The following GAS7 variants were observed in gnomAD, a reference collection of about 807,000 sequenced individuals.
GAS7 encodes the protein growth arrest specific 7.
A neutral mutation model predicts 71.1 loss-of-function variants in GAS7; 28 were observed. The observed-to-expected ratio is 0.39, with a 90% CI of 0.29 to 0.54. The LOEUF is 0.54. Ranked by LOEUF, GAS7 falls within the 20% of genes least tolerant of loss-of-function variation. GAS7 has a pLI of 0.62. For missense variants in GAS7, 436 were observed against 627.8 expected (o/e 0.69, Z 3.27); for synonymous variants, 258 against 245.8 (o/e 1.05, Z -0.46).
intron 1 of GAS7, among the ~76,000 whole-genome samples, chr17:10,079,649 A>G (rs2073435859): frequency 6.6e-6 from 1 of 152,202 alleles, no homozygotes; most frequent in African/African-American, 2.4e-5. Context: ...GGACCAAACC[A>G]ATGTATATCT....
chr17:10,103,031 G>A lies in GAS7; in HGVS notation c.184-83134C>T, dbSNP rs1379555924. Reference sequence around the variant, plus strand: ...CCAGCAGCATTCCTGTCGCCTAGAAGCTTGTTAGAAATGCAGAATCTGCAT... The same window carrying A: ...CCAGCAGCATTCCTGTCGCCTAGAAACTTGTTAGAAATGCAGAATCTGCAT... On this transcript the variant is annotated intron_variant, in intron 1 of 13. Coordinates refer to ENST00000432992, the MANE Select transcript of GAS7 (RefSeq NM_201433.2). The surrounding 1 kb of genome is among the most constrained non-coding windows in gnomAD (Gnocchi z 5.5). Among the ~76,000 whole-genome samples, 2 of 152,154 alleles carry A rather than the reference G, an allele frequency of 1.3e-5. No homozygotes were observed. The highest frequency in any genetic ancestry group is 2.9e-5 in the Non-Finnish European group (2 of 68,028).
intron 1 of GAS7, among the ~76,000 whole-genome samples, chr17:10,082,585 C>T (rs1393633544): frequency 6.6e-6 from 1 of 152,154 alleles, no homozygotes; most frequent in East Asian, 1.9e-4. Flanking sequence ...AATAGTTTTG[C>T]CATTTCTTAT....
At chr17:9,960,834 C>T (rs1172098510) in intron 4 of GAS7, among the ~76,000 whole-genome samples, 2 of 152,184 alleles carry the variant, frequency 1.3e-5, no homozygotes, top group Non-Finnish European at 2.9e-5. Flanking sequence ...AAAAATGAAC[C>T]TTACAGAGCA....
chr17:10,166,247 C>T (rs2074293182), intron 1 of GAS7, among the ~76,000 whole-genome samples: 1 of 152,134 alleles, frequency 6.6e-6, no homozygotes, highest in East Asian at 1.9e-4. Flanking sequence ...TGGTCTCGAA[C>T]TCCTGGCCTA....
intron 4 of GAS7, among the ~76,000 whole-genome samples, chr17:9,963,583 T>G (rs1201610085): frequency 6.6e-6 from 1 of 151,964 alleles, no homozygotes; most frequent in Non-Finnish European, 1.5e-5. Context: ...AAAAGGGATT[T>G]GGGGGCCAGG....
At chr17:9,987,456 C>T (rs768229366) in intron 2 of GAS7, among the ~76,000 whole-genome samples, 45 of 152,218 alleles carry the variant, frequency 3.0e-4, no homozygotes, top group Non-Finnish European at 5.3e-4. Context: ...TAATCTTCTC[C>T]TCAGCGAATG....
chr17:10,066,836 A>G (rs186666449), intron 1 of GAS7, among the ~76,000 whole-genome samples: 1 of 152,182 alleles, frequency 6.6e-6, no homozygotes, highest in East Asian at 1.9e-4. Flanking sequence ...CCAAGTCCTG[A>G]CAGTGTAGTG....
chr17:10,099,380 A>G (rs2073676546), intron 1 of GAS7, among the ~76,000 whole-genome samples: 2 of 152,200 alleles, frequency 1.3e-5, no homozygotes, highest in African/African-American at 2.4e-5. Context: ...AGCAGGGTAC[A>G]ACCAGAGCAG....
chr17:9,925,327 G>A, intron 11 of GAS7, 149 bp downstream of exon 11: 1 of 767,560 alleles, frequency 1.3e-6, no homozygotes, highest in Non-Finnish European at 2.2e-6. Context: ...GAAGGGAAGA[G>A]GGGGTACCTC....
intron 1 of GAS7, among the ~76,000 whole-genome samples, chr17:10,054,280 T>C (rs907976354): frequency 3.3e-5 from 5 of 152,044 alleles, no homozygotes; most frequent in Non-Finnish European, 7.4e-5. Flanking sequence ...AAATGAATAA[T>C]GGCAACTGTT....
chr17:10,032,582 C>T (rs2152220886), intron 1 of GAS7, among the ~76,000 whole-genome samples: 1 of 152,294 alleles, frequency 6.6e-6, no homozygotes, highest in East Asian at 1.9e-4. Flanking sequence ...GTCCTATAAC[C>T]CATGCATGGG....
At position 9,974,986 on chromosome 17, in the gene GAS7, T is replaced by G. The variant is rs1182903737; in HGVS notation, c.386-5224A>C. On this transcript the variant is annotated intron_variant, in intron 3 of 13. Transcript: ENST00000432992. The surrounding 1 kb of genome is among the most constrained non-coding windows in gnomAD (Gnocchi z 4.0). ...AGAAAATCAGCCATGAACACTCTCT[T>G]ATTATACCTCCTGTAGGTCTGGCCT... 2.0e-5 allele frequency among the ~76,000 whole-genome samples: 3 copies of G among 152,152 alleles called. No individual in the cohort carries two copies. Among genetic ancestry groups the G allele is most frequent in the Non-Finnish European group, 2.9e-5 (2 of 68,026 alleles).
intron 5 of GAS7, among the ~76,000 whole-genome samples, chr17:9,953,734 C>T (rs1410900351): frequency 6.6e-6 from 1 of 152,246 alleles, no homozygotes; most frequent in Non-Finnish European, 1.5e-5. Flanking sequence ...AAGCTGCATG[C>T]ATACATTTGT....
intron 5 of GAS7, among the ~76,000 whole-genome samples, chr17:9,955,154 G>A (rs1244739761): frequency 6.6e-6 from 1 of 152,160 alleles, no homozygotes; most frequent in Non-Finnish European, 1.5e-5. Context: ...AAGGCTCCTA[G>A]GTCCCTGGAT....
rs1378750105 is a variant in GAS7, at chr17:9,914,268, C to T, written c.*2960G>A. On this transcript the variant is annotated 3_prime_UTR_variant, in exon 14 of 14. Transcript: ENST00000432992. Reference sequence around the variant, plus strand: ...TTGAGATGGAGTCTTGCTCTGTCACCCAAGCTGGAGTGCAGTGGCCCGATC... The same window carrying T: ...TTGAGATGGAGTCTTGCTCTGTCACTCAAGCTGGAGTGCAGTGGCCCGATC... 4.6e-5 allele frequency: 9 copies of T among 195,580 alleles called. No individual in the cohort carries two copies. The highest frequency in any genetic ancestry group is 8.5e-5 in the Non-Finnish European group (8 of 94,146). 12.1% of individuals were successfully genotyped at this position (195,580 alleles called of 1,614,324 possible).
chr17:10,134,617 G>A (rs1291082071), intron 1 of GAS7, among the ~76,000 whole-genome samples: 2 of 152,254 alleles, frequency 1.3e-5, no homozygotes, highest in South Asian at 2.1e-4. Flanking sequence ...TCTAGGACAG[G>A]TGAGCCCCAA....
In GAS7 at chr17:10,003,676, A is replaced by T. The variant is rs1450177519; in HGVS notation, c.304+16101T>A. Among the ~76,000 whole-genome samples, 3 of 152,176 alleles carry T rather than the reference A, an allele frequency of 2.0e-5. No homozygotes were observed. In the East Asian group the frequency reaches 5.8e-4, roughly 29 times the overall value. ...GAGGGCAGAAGCTTCATGCCACAGA[A>T]ATATCCAGGGTGCCTGCTACCTGCA... is the stretch of plus-strand genomic sequence containing the variant. On this transcript the variant is annotated intron_variant, in intron 2 of 13. Transcript: ENST00000432992.
chr17:9,958,873 T>C (rs2069357674), intron 5 of GAS7: 1 of 630,514 alleles, frequency 1.6e-6, no homozygotes, highest in Non-Finnish European at 2.2e-6. Context: ...ACACGTCACA[T>C]CACTTGCGCT....
At chr17:10,025,350 T>C (rs1437797281) in intron 1 of GAS7, among the ~76,000 whole-genome samples, 1 of 151,992 alleles carries the variant, frequency 6.6e-6, no homozygotes, top group Non-Finnish European at 1.5e-5. Flanking sequence ...CTCAGCTCCA[T>C]TTCCTCACTG....
Sources: gnomAD v4.1 joint callset for allele counts (sites outside exome capture counted in the v4.1 genomes callset) on GRCh38, gnomAD v4.1.1 for gene constraint, Gnocchi (gnomAD v3.1) non-coding constraint, MANE v1.5 for transcripts, NCBI Gene and HGNC (gene_info 2026-07-23, HGNC 2026-07-21) for gene names.